KCNQ3: variants seen among roughly 807,000 people sequenced by gnomAD.
KCNQ3 encodes potassium voltage-gated channel subfamily Q member 3.
Under a neutral mutation model 92.5 loss-of-function variants are expected in KCNQ3, and 30 were observed. The ratio of observed to expected loss-of-function variants is 0.32; its 90% CI spans 0.24 to 0.44. KCNQ3 has a LOEUF of 0.44. KCNQ3 is among the 20% of genes least tolerant of loss of function. The pLI, the probability that KCNQ3 is intolerant of heterozygous loss-of-function variation, is 1.00. For synonymous variants in KCNQ3, 450 were observed against 468.8 expected (o/e 0.96, Z 0.52); for missense variants, 913 against 1,140.3 (o/e 0.80, Z 2.87).
intron 1 of KCNQ3, among the ~76,000 whole-genome samples, chr8:132,320,138 G>C (rs1468360453): frequency 3.9e-5 from 6 of 152,206 alleles, no homozygotes; most frequent in Admixed American, 3.3e-4. Flanking sequence ...TATGTGGTTG[G>C]ATTTGTACAG....
At chr8:132,232,034 C>T (rs1814661276) in intron 1 of KCNQ3, among the ~76,000 whole-genome samples, 1 of 152,100 alleles carries the variant, frequency 6.6e-6, no homozygotes, top group African/African-American at 2.4e-5. Flanking sequence ...GTTAACGGAG[C>T]ATCAGAAACT....
intron 1 of KCNQ3, among the ~76,000 whole-genome samples, chr8:132,456,026 T>G (rs1821930191): frequency 6.6e-6 from 1 of 152,290 alleles, no homozygotes; most frequent in Middle Eastern, 3.4e-3. Context: ...ATTACAGGCA[T>G]GAGCCACCGT....
chr8:132,321,750 A>G (rs1817898320), intron 1 of KCNQ3, among the ~76,000 whole-genome samples: 1 of 152,102 alleles, frequency 6.6e-6, no homozygotes, highest in Non-Finnish European at 1.5e-5. Context: ...ACCATTCACT[A>G]CCACACCCCT....
intron 1 of KCNQ3, among the ~76,000 whole-genome samples, chr8:132,300,545 G>C (rs150636604): frequency 6.6e-5 from 10 of 152,282 alleles, no homozygotes; most frequent in Non-Finnish European, 1.2e-4. Context: ...GCAGCGGGAA[G>C]TCCAGAACTG....
At chr8:132,459,980 A>C (rs1225769703) in intron 1 of KCNQ3, among the ~76,000 whole-genome samples, 1 of 151,084 alleles carries the variant, frequency 6.6e-6, no homozygotes, top group Non-Finnish European at 1.5e-5. Context: ...TTTTTGTCTC[A>C]AATTGTCCCA....
intron 1 of KCNQ3, among the ~76,000 whole-genome samples, chr8:132,361,580 A>T (rs2130723346): frequency 6.6e-6 from 1 of 152,352 alleles, no homozygotes; most frequent in Admixed American, 6.5e-5. Context: ...AAGGATCTAA[A>T]CAGAACACTC....
Position 132,392,951 on chromosome 8 carries a change from G to T in KCNQ3, c.386+87196C>A, listed in dbSNP as rs942189043. On this transcript the variant is annotated intron_variant, in intron 1 of 14. Coordinates refer to ENST00000388996, the MANE Select transcript of KCNQ3 (RefSeq NM_004519.4). Reference sequence around the variant, plus strand: ...TTTTCTGGTAGTTCTTTATTGTCTGGGTCTTGCACAGACTCTAGAATAAAA... The same window carrying T: ...TTTTCTGGTAGTTCTTTATTGTCTGTGTCTTGCACAGACTCTAGAATAAAA... Among the ~76,000 whole-genome samples, 3 of 150,684 alleles carry T rather than the reference G, an allele frequency of 2.0e-5. No individual in the cohort carries two copies. In the South Asian group the frequency reaches 6.3e-4, roughly 32 times the overall value.
intron 1 of KCNQ3, among the ~76,000 whole-genome samples, chr8:132,215,068 GT>G (rs1563808212): frequency 1.3e-5 from 2 of 152,168 alleles, no homozygotes; most frequent in African/African-American, 4.8e-5. Flanking sequence ...TGCACCTGTC[GT>G]TCCCCCTGGC....
chr8:132,321,680 G>A lies in KCNQ3; in HGVS notation c.387-135499C>T, dbSNP rs545080120. 5 of 152,256 alleles carry A rather than the reference G, an allele frequency of 3.3e-5. No individual in the cohort carries two copies. In the East Asian group the frequency reaches 5.8e-4, roughly 18 times the overall value. 9.4% of individuals were successfully genotyped at this position (152,256 alleles called of 1,614,324 possible). A position where few individuals can be genotyped will look rare whatever the true frequency, so the allele number is the denominator to read the frequency against. Reference sequence around the variant, plus strand: ...CTAGTTTCCTAACCACATTTTTCTGGGGTTACTCCATGTGATTTACACCCT... The same window carrying A: ...CTAGTTTCCTAACCACATTTTTCTGAGGTTACTCCATGTGATTTACACCCT... On this transcript the variant is annotated intron_variant, in intron 1 of 14. Coordinates refer to ENST00000388996, the MANE Select transcript of KCNQ3 (RefSeq NM_004519.4).
At chr8:132,239,713 T>C (rs1312941443) in intron 1 of KCNQ3, among the ~76,000 whole-genome samples, 1 of 152,168 alleles carries the variant, frequency 6.6e-6, no homozygotes, top group Non-Finnish European at 1.5e-5. Context: ...TTTAGATAGA[T>C]TGTAGAAAAT....
chr8:132,250,658 G>A (rs1815376035), intron 1 of KCNQ3, among the ~76,000 whole-genome samples: 1 of 152,078 alleles, frequency 6.6e-6, no homozygotes, highest in African/African-American at 2.4e-5. Flanking sequence ...CTCATCTGTG[G>A]ACCATTTCTC....
At chr8:132,418,945 C>T (rs569171743) in intron 1 of KCNQ3, among the ~76,000 whole-genome samples, 10 of 152,206 alleles carry the variant, frequency 6.6e-5, no homozygotes, top group South Asian at 2.1e-4. Flanking sequence ...AGCCATGTGA[C>T]GTAAAGCAAG....
intron 1 of KCNQ3, among the ~76,000 whole-genome samples, chr8:132,189,326 T>A (rs186106610): frequency 7.9e-5 from 12 of 152,372 alleles, no homozygotes; most frequent in Non-Finnish European, 1.6e-4. Context: ...GATTCACTTC[T>A]ACTCCAGCAT....
At chr8:132,172,169 G>C (rs951209192) in intron 7 of KCNQ3, among the ~76,000 whole-genome samples, 1 of 151,876 alleles carries the variant, frequency 6.6e-6, no homozygotes, top group Non-Finnish European at 1.5e-5. Context: ...CTGGACAAGA[G>C]AGTCTCAAAA....
intron 13 of KCNQ3, among the ~76,000 whole-genome samples, chr8:132,133,715 T>C (rs753047805): frequency 3.3e-5 from 5 of 152,216 alleles, no homozygotes; most frequent in Non-Finnish European, 7.3e-5. Context: ...CCTCACTCAT[T>C]GTGTTACCTG....
intron 1 of KCNQ3, among the ~76,000 whole-genome samples, chr8:132,198,024 G>A (rs181974229): frequency 6.6e-6 from 1 of 152,234 alleles, no homozygotes; most frequent in East Asian, 1.9e-4. Context: ...AGTTGGCTGG[G>A]ACCTGTGCTT....
intron 1 of KCNQ3, among the ~76,000 whole-genome samples, chr8:132,353,984 G>A (rs916939705): frequency 1.3e-5 from 2 of 152,172 alleles, no homozygotes; most frequent in African/African-American, 4.8e-5. Flanking sequence ...CTACTAAAAA[G>A]GGAAAGAAGC....
intron 1 of KCNQ3, among the ~76,000 whole-genome samples, chr8:132,230,296 G>A (rs576142554): frequency 2.0e-5 from 3 of 152,024 alleles, no homozygotes; most frequent in Non-Finnish European, 2.9e-5. Flanking sequence ...GATGAAAAAG[G>A]CTCCTTACCT....
At chr8:132,186,468 T>G (rs563265373) in intron 1 of KCNQ3, 44 of 401,370 alleles carry the variant, frequency 1.1e-4, no homozygotes, top group Non-Finnish European at 2.1e-4. Context: ...GATCATCTGG[T>G]TCCAACCTCG....
Sources: allele counts gnomAD v4.1 joint callset (sites outside exome capture counted in the v4.1 genomes callset), GRCh38; gene constraint gnomAD v4.1.1; transcripts MANE v1.5; gene names NCBI Gene and HGNC (gene_info 2026-07-23, HGNC 2026-07-21).